The following ROR1 variants were observed in gnomAD, a reference collection of about 807,000 sequenced individuals.
The protein encoded by ROR1 is ROR family WNT receptor 1.
Under a neutral mutation model 78.8 loss-of-function variants are expected in ROR1, and 19 were observed. That is an observed-to-expected ratio of 0.24 (90% CI 0.17 to 0.35). ROR1 has a LOEUF of 0.35. Among genes scored for constraint, ROR1 ranks in the 10% least tolerant of loss-of-function variants. The pLI is 1.00. For missense variants in ROR1, 917 were observed against 1,177.8 expected (o/e 0.78, Z 3.24); for synonymous variants, 386 against 433.6 (o/e 0.89, Z 1.36).
intron 1 of ROR1, among the ~76,000 whole-genome samples, chr1:63,946,815 A>G (rs1569956126): frequency 6.6e-6 from 1 of 152,192 alleles, no homozygotes; most frequent in Non-Finnish European, 1.5e-5. Context: ...AAAAACTGGT[A>G]CAAAGGATAT....
intron 1 of ROR1, among the ~76,000 whole-genome samples, chr1:63,878,219 G>C (rs1645300155): frequency 6.6e-6 from 1 of 152,134 alleles, no homozygotes; most frequent in Non-Finnish European, 1.5e-5. Flanking sequence ...AAGGACCAGG[G>C]AGGTGAAGGG....
intron 1 of ROR1, among the ~76,000 whole-genome samples, chr1:63,938,020 G>A (rs900933892): frequency 1.3e-5 from 2 of 152,042 alleles, no homozygotes; most frequent in Admixed American, 1.3e-4. Flanking sequence ...TCTGTTTCCA[G>A]TCTCAGCTGA....
chr1:63,876,226 A>G (rs749866987), intron 1 of ROR1, among the ~76,000 whole-genome samples: 27 of 152,218 alleles, frequency 1.8e-4, no homozygotes, highest in Non-Finnish European at 3.1e-4. Context: ...CTCATGAGAC[A>G]TGGAACAGTT....
At chr1:64,165,933 T>C (rs753939945) in intron 8 of ROR1, among the ~76,000 whole-genome samples, 7 of 152,132 alleles carry the variant, frequency 4.6e-5, no homozygotes, top group Non-Finnish European at 8.8e-5. Flanking sequence ...CTCAAACTCC[T>C]GGCCTCAAGT....
intron 1 of ROR1, among the ~76,000 whole-genome samples, chr1:63,785,726 A>G (rs1230390982): frequency 6.6e-6 from 1 of 151,878 alleles, no homozygotes; most frequent in Non-Finnish European, 1.5e-5. Flanking sequence ...GGGTTTCACC[A>G]TGTTGGCCAG....
At chr1:64,137,263 C>G in intron 4 of ROR1, 106 bp from the exon 5 acceptor site, 2 of 1,198,156 alleles carry the variant, frequency 1.7e-6, no homozygotes, top group South Asian at 2.9e-5. Context: ...TATATTGTGC[C>G]CAACTGTGCC....
rs569869545 is a variant in ROR1, at chr1:63,976,969, A to G, written c.92-32336A>G. ...AGATTTAATTGACTCACAGTTCCGC[A>G]TATCTGGGGAAGCCTCAGGAAACTT... On this transcript the variant is annotated intron_variant, in intron 1 of 8. Transcript: ENST00000371079. Among the ~76,000 whole-genome samples, 14 of 152,314 alleles carry G rather than the reference A, an allele frequency of 9.2e-5. No individual in the cohort carries two copies. The South Asian group carries it at 2.7e-3, about 29-fold the overall frequency.
chr1:64,021,757 G>T (rs139416062), intron 2 of ROR1, among the ~76,000 whole-genome samples: 4 of 152,106 alleles, frequency 2.6e-5, no homozygotes, highest in African/African-American at 4.8e-5. Flanking sequence ...TCTGGAAGGG[G>T]ATATTCTTGA....
At chr1:63,829,567 G>T (rs1345557920) in intron 1 of ROR1, among the ~76,000 whole-genome samples, 1 of 152,194 alleles carries the variant, frequency 6.6e-6, no homozygotes, top group Non-Finnish European at 1.5e-5. Flanking sequence ...TGATGGCATG[G>T]AGAGTATTGC....
intron 1 of ROR1, among the ~76,000 whole-genome samples, chr1:63,891,431 A>G (rs1422104014): frequency 6.6e-6 from 1 of 152,126 alleles, no homozygotes; most frequent in African/African-American, 2.4e-5. Context: ...TTGCCTGGAA[A>G]TGCACCTCAT....
At chr1:63,959,989 C>T (rs1569977527) in intron 1 of ROR1, among the ~76,000 whole-genome samples, 1 of 152,206 alleles carries the variant, frequency 6.6e-6, no homozygotes, top group South Asian at 2.1e-4. Context: ...CCTCTCTAAT[C>T]CCTTAGCATC....
At chr1:63,912,124 CAAAA>C (rs34115831) in intron 1 of ROR1, among the ~76,000 whole-genome samples, 14,901 of 123,248 alleles carry the variant, frequency 0.12, 810 homozygotes, top group African/African-American at 0.16. Context: ...CCCATCTTTA[CAAAA>C]AAAAAAAAAA....
chr1:63,981,264 A>C lies in ROR1; in HGVS notation c.92-28041A>C, dbSNP rs78460982. 9.1e-3 allele frequency among the ~76,000 whole-genome samples: 1,383 copies of C among 152,206 alleles called. 21 individuals are homozygous for C. Among genetic ancestry groups the C allele is most frequent in the African/African-American group, 0.031 (1,292 of 41,550 alleles). On this transcript the variant is annotated intron_variant, in intron 1 of 8. Coordinates refer to ENST00000371079, the MANE Select transcript of ROR1 (RefSeq NM_005012.4). ...AAACAGGTTAAGCAACTTAGCCAAG[A>C]ATAGAGCCAGAAAATGACCCAGTCT... is the stretch of plus-strand genomic sequence containing the variant.
At chr1:64,060,660 C>G (rs1249650048) in intron 4 of ROR1, among the ~76,000 whole-genome samples, 1 of 152,178 alleles carries the variant, frequency 6.6e-6, no homozygotes, top group Non-Finnish European at 1.5e-5. Flanking sequence ...CAGGAAGTCA[C>G]TTGGCAGCTG....
At chr1:64,053,191 T>G (rs945580408) in intron 4 of ROR1, among the ~76,000 whole-genome samples, 1 of 152,158 alleles carries the variant, frequency 6.6e-6, no homozygotes, top group African/African-American at 2.4e-5. Context: ...GCAAAAGAAA[T>G]AAAAGGAGCA....
intron 2 of ROR1, among the ~76,000 whole-genome samples, chr1:64,014,738 C>CTATATATATATATATATAT (rs1456430703): frequency 1.1e-4 from 1 of 9,076 alleles, no homozygotes; most frequent in African/African-American, 2.6e-4. Context: ...CACATACGCA[C>CTATATATATATATATATAT]ACTATATATA....
chr1:63,867,907 A>G (rs1411595618), intron 1 of ROR1, among the ~76,000 whole-genome samples: 2 of 152,210 alleles, frequency 1.3e-5, no homozygotes, highest in Non-Finnish European at 2.9e-5. Flanking sequence ...AGCTTGTGGC[A>G]TGAGGGTTAC....
chr1:63,890,451 A>G (rs1645386106), intron 1 of ROR1, among the ~76,000 whole-genome samples: 2 of 150,662 alleles, frequency 1.3e-5, no homozygotes, highest in African/African-American at 4.9e-5. Context: ...TGAGGGGAAA[A>G]AAGATGAAAA....
Position 64,051,177 on chromosome 1 carries a change from C to T in ROR1, c.482+461C>T, listed in dbSNP as rs187369065. Among the ~76,000 whole-genome samples the T allele has an allele frequency of 7.9e-3, 1,196 of 152,172 alleles. 15 individuals are homozygous for T. Among genetic ancestry groups the T allele is most frequent in the Admixed American group, 0.017 (257 of 15,286 alleles). The stretch of plus-strand genomic sequence containing the variant: ...CTCAAAAGCAGAAGTTCTGGCTGGG[C>T]GCGGTGGCTCATGCCTGTAATCCCA... On this transcript the variant is annotated intron_variant, in intron 4 of 8. Coordinates refer to ENST00000371079, the MANE Select transcript of ROR1 (RefSeq NM_005012.4).
Sources: gnomAD v4.1 joint callset for allele counts (sites outside exome capture counted in the v4.1 genomes callset) on GRCh38, gnomAD v4.1.1 for gene constraint, MANE v1.5 for transcripts, NCBI Gene and HGNC (gene_info 2026-07-23, HGNC 2026-07-21) for gene names.